WDR88: variants seen among roughly 807,000 people sequenced by gnomAD.
The protein encoded by WDR88 is WD repeat domain 88, also known as WD repeat-containing protein 88.
Under a neutral mutation model 46.8 loss-of-function variants are expected in WDR88, and 40 were observed. The observed-to-expected ratio is 0.86, with a 90% confidence interval of 0.66 to 1.11. The LOEUF is 1.11. WDR88 is among the 50% of genes most tolerant of loss of function. The probability of loss-of-function intolerance (pLI) is 0.00; values close to 1 mark genes in which losing one functional copy is unlikely to be tolerated. For synonymous variants in WDR88, 235 were observed against 240.7 expected (o/e 0.98, Z 0.22); for missense variants, 562 against 602.4 (o/e 0.93, Z 0.70).
Position 33,156,522 on chromosome 19 carries a change from C to G in WDR88, c.977C>G (p.Ser326Cys), listed in dbSNP as rs779946826. The G allele has an allele frequency of 6.2e-6, 10 of 1,613,476 alleles. No individual in the cohort carries two copies. Among genetic ancestry groups the G allele is most frequent in the Non-Finnish European group, 8.5e-6 (10 of 1,179,766 alleles). Reference protein sequence around the residue: ...LMQGHEGSVSSCHFARDSSFL... With the variant: ...LMQGHEGSVSCCHFARDSSFL... ...CAGGGCCATGAAGGTTCTGTCAGTT[C>G]CTGTCACTTTGCCAGAGACAGTGAG... The change falls in exon 7 of 11, where the codon TCC (serine) becomes TGC (cysteine). Residue 326 changes from serine (S) to cysteine (C), a missense_variant. Physicochemically the swap from Ser to Cys is moderately radical, Grantham distance 112 (BLOSUM62 -1). Coordinates refer to ENST00000355868, the MANE Select transcript of WDR88 (RefSeq NM_173479.4).
chr19:33,152,253 A>C (rs1973650729), intron 6 of WDR88, among the ~76,000 whole-genome samples: 2 of 151,878 alleles, frequency 1.3e-5, no homozygotes, highest in Non-Finnish European at 2.9e-5. Flanking sequence ...ATATATATAT[A>C]CACGCACACA....
intron 9 of WDR88, among the ~76,000 whole-genome samples, chr19:33,171,316 G>T (rs966402599): frequency 6.6e-6 from 1 of 152,192 alleles, no homozygotes; most frequent in Admixed American, 6.5e-5. Flanking sequence ...AAGTATCTAA[G>T]AGCTGGGAGG....
At chr19:33,171,655 A>ATTCCT (rs1335117695) in intron 9 of WDR88, among the ~76,000 whole-genome samples, 1 of 151,680 alleles carries the variant, frequency 6.6e-6, no homozygotes, top group Admixed American at 6.6e-5. Context: ...ACAGGACTGC[A>ATTCCT]TTCCTTTCAG....
intron 6 of WDR88, 86 bp downstream of exon 6, chr19:33,151,396 C>T: frequency 6.7e-7 from 1 of 1,491,038 alleles, no homozygotes. Context: ...AGCCAGCATC[C>T]ATGTGGACAC....
At chr19:33,167,126 G>T (rs975425744) in intron 9 of WDR88, among the ~76,000 whole-genome samples, 1 of 151,994 alleles carries the variant, frequency 6.6e-6, no homozygotes, top group Non-Finnish European at 1.5e-5. Context: ...GAAAATTACA[G>T]ACCAATATCT....
chr19:33,147,525 C>A, intron 3 of WDR88, 120 bp from the exon 4 acceptor site: 3 of 886,154 alleles, frequency 3.4e-6, no homozygotes, highest in East Asian at 2.9e-5. Context: ...GTCGTTTGAA[C>A]CTGGGAGGTG....
At chr19:33,134,658 C>G (rs1314855272) in intron 1 of WDR88, among the ~76,000 whole-genome samples, 1 of 152,058 alleles carries the variant, frequency 6.6e-6, no homozygotes, top group Non-Finnish European at 1.5e-5. Flanking sequence ...AGGGAGCCAA[C>G]CCTGCACGCG....
chr19:33,137,795 G>T lies in WDR88; in HGVS notation c.387+8G>T, dbSNP rs1973305537. On this transcript the variant is annotated splice_region_variant and intron_variant, in intron 2 of 10. Transcript: ENST00000355868. ...TGCACTGTGAAGCTGTGGGTAGGTGGCCGGCTGTTAGGTACTCCTGGAGCG... is the reference window on the plus strand; with the variant it reads ...TGCACTGTGAAGCTGTGGGTAGGTGTCCGGCTGTTAGGTACTCCTGGAGCG... 6.2e-7 allele frequency: 1 copy of T among 1,611,184 alleles called. No individual in the cohort carries two copies.
chr19:33,154,372 C>T (rs546698749), intron 6 of WDR88, among the ~76,000 whole-genome samples: 1 of 152,254 alleles, frequency 6.6e-6, no homozygotes, highest in African/African-American at 2.4e-5. Flanking sequence ...TCTCCCTCCA[C>T]TTGCCTCCCA....
intron 2 of WDR88, among the ~76,000 whole-genome samples, chr19:33,141,459 G>A (rs1386845554): frequency 6.6e-6 from 1 of 151,906 alleles, no homozygotes; most frequent in African/African-American, 2.4e-5. Context: ...TGAGCTCCTG[G>A]CCTCAAGCCG....
intron 2 of WDR88, 62 bp downstream of exon 2, chr19:33,137,849 T>C: frequency 2.1e-6 from 3 of 1,409,608 alleles, no homozygotes; most frequent in Non-Finnish European, 3.0e-6. Flanking sequence ...AGGCACCTCC[T>C]GTGTCGAGTT....
At chr19:33,153,298 C>CAAGTGATCCTCTCACTTTGGCCTCCCA (rs1189099068) in intron 6 of WDR88, among the ~76,000 whole-genome samples, 5 of 150,350 alleles carry the variant, frequency 3.3e-5, no homozygotes, top group African/African-American at 1.2e-4. Context: ...CTTCTGAGCT[C>CAAGTGATCCTCTCACTTTGGCCTCCCA]AAGTGATCCT....
intron 9 of WDR88, 121 bp downstream of exon 9, chr19:33,164,386 G>T: frequency 1.2e-6 from 1 of 863,568 alleles, no homozygotes; most frequent in South Asian, 1.4e-5. Flanking sequence ...CCGGGCCATC[G>T]TGTTCACGGA....
At position 33,132,129 on chromosome 19, in the gene WDR88, A is replaced by G. The variant is rs771045927; in HGVS notation, c.-41A>G. 9.1e-6 allele frequency: 14 copies of G among 1,546,390 alleles called. No homozygotes were observed. Among genetic ancestry groups the G allele is most frequent in the Non-Finnish European group, 1.2e-5 (14 of 1,150,878 alleles). Reference sequence around the variant, plus strand: ...GCGGGCGCGCGGCGCCACCGTTCCCATCCAGGCTTGTCGGCGGCCACCGGC... The same window carrying G: ...GCGGGCGCGCGGCGCCACCGTTCCCGTCCAGGCTTGTCGGCGGCCACCGGC... On this transcript the variant is annotated 5_prime_UTR_variant, in exon 1 of 11. Coordinates refer to ENST00000355868, the MANE Select transcript of WDR88 (RefSeq NM_173479.4).
intron 5 of WDR88, among the ~76,000 whole-genome samples, chr19:33,149,982 G>C (rs368709342): frequency 6.6e-6 from 1 of 152,110 alleles, no homozygotes; most frequent in Non-Finnish European, 1.5e-5. Context: ...ATAGGACTTA[G>C]TAATTGTTGT....
chr19:33,132,320 C>A lies in WDR88; in HGVS notation c.151C>A (p.His51Asn). 6.2e-7 allele frequency: 1 copy of A among 1,614,096 alleles called. No homozygotes were observed. The highest frequency in any genetic ancestry group is 8.5e-7 in the Non-Finnish European group (1 of 1,180,030). ...AGGCCGCTTCAAGCTGTCGATCCCG[C>A]ACACGCACCTGCTGGCCACCCTCGA... is the stretch of plus-strand genomic sequence containing the variant. ...ALGRFKLSIP[H>N]THLLATLDPL... The change falls in exon 1 of 11, where the codon CAC becomes AAC. Residue 51 changes from histidine (H) to asparagine (N), a missense_variant. Physicochemically the swap from His to Asn is moderately conservative, Grantham distance 68. Transcript: ENST00000355868.
intron 6 of WDR88, among the ~76,000 whole-genome samples, chr19:33,155,080 A>G (rs1568366147): frequency 6.6e-6 from 1 of 152,224 alleles, no homozygotes; most frequent in Non-Finnish European, 1.5e-5. Flanking sequence ...GGCAAAATAC[A>G]GACAGGCTTT....
intron 9 of WDR88, among the ~76,000 whole-genome samples, chr19:33,169,834 G>A (rs943995539): frequency 6.6e-6 from 1 of 151,960 alleles, no homozygotes; most frequent in Non-Finnish European, 1.5e-5. Context: ...ATAAATTCAC[G>A]GTATAGGCTA....
chr19:33,139,245 A>G (rs1255857408), intron 2 of WDR88, among the ~76,000 whole-genome samples: 1 of 152,216 alleles, frequency 6.6e-6, no homozygotes, highest in Non-Finnish European at 1.5e-5. Flanking sequence ...TGAGGTTCAC[A>G]TGAGGTTGCA....
Sources: allele counts gnomAD v4.1 joint callset (sites outside exome capture counted in the v4.1 genomes callset), GRCh38; gene constraint gnomAD v4.1.1; transcripts MANE v1.5; gene names NCBI Gene and HGNC (gene_info 2026-07-23, HGNC 2026-07-21).